The following FGR variants were observed in gnomAD, a reference collection of about 807,000 sequenced individuals.
The protein encoded by FGR is tyrosine-protein kinase Fgr.
FGR carries 26 observed loss-of-function variants against 63.2 expected under a neutral mutation model. The observed-to-expected ratio is 0.41, with a 90% CI of 0.30 to 0.57. The LOEUF (loss-of-function observed/expected upper bound fraction) is 0.57. Ranked by LOEUF, FGR falls within the 20% of genes least tolerant of loss-of-function variation. FGR has a pLI of 0.27. For synonymous variants in FGR, 286 were observed against 277.7 expected (o/e 1.03, Z -0.30); for missense variants, 511 against 690.8 (o/e 0.74, Z 2.92).
chr1:27,628,179 A>C (rs2090051997), intron 1 of FGR, among the ~76,000 whole-genome samples: 1 of 150,864 alleles, frequency 6.6e-6, no homozygotes, highest in African/African-American at 2.5e-5. Flanking sequence ...CTCAAAAAAA[A>C]AAAAAACAAA....
intron 1 of FGR, among the ~76,000 whole-genome samples, chr1:27,633,165 G>A (rs551377201): frequency 3.9e-5 from 6 of 152,248 alleles, no homozygotes; most frequent in African/African-American, 1.2e-4. Context: ...CCTCCTCCCC[G>A]GAGGGTACAT....
chr1:27,620,135 C>T (rs868456985), intron 5 of FGR, among the ~76,000 whole-genome samples: 2 of 150,662 alleles, frequency 1.3e-5, no homozygotes, highest in African/African-American at 2.4e-5. Context: ...TGGCCAACAT[C>T]GTGAAACCCC....
At position 27,623,816 on chromosome 1, in the gene FGR, T is replaced by C. The variant is rs1052489128; in HGVS notation, c.101A>G (p.Tyr34Cys). The C allele has an allele frequency of 1.2e-6, 2 of 1,614,086 alleles. No individual in the cohort carries two copies. Among genetic ancestry groups the C allele is most frequent in the Non-Finnish European group, 1.7e-6 (2 of 1,180,032 alleles). The change falls in exon 3 of 13, where the codon TAT becomes TGT. Residue 34 changes from tyrosine (Y) to cysteine (C), a missense_variant. Tyr to Cys is a radical substitution (Grantham distance 194). Transcript: ENST00000374005. ...CCGGGCCTTAGTGGGGTCAGGCCCATAGTGGTCTGCTGCCCCGTAGCTTCT... is the reference window on the plus strand; with the variant it reads ...CCGGGCCTTAGTGGGGTCAGGCCCACAGTGGTCTGCTGCCCCGTAGCTTCT... The part of the protein sequence containing the change: ...DFRSYGAADH[Y>C]GPDPTKARPA...
At chr1:27,633,400 C>T (rs1359337757) in intron 1 of FGR, among the ~76,000 whole-genome samples, 3 of 152,182 alleles carry the variant, frequency 2.0e-5, no homozygotes, top group Non-Finnish European at 2.9e-5. Flanking sequence ...ACCCGAGGGG[C>T]GGCCAACTGG....
intron 5 of FGR, among the ~76,000 whole-genome samples, 187 bp downstream of exon 5, chr1:27,621,372 T>C (rs1247548748): frequency 1.3e-5 from 2 of 152,234 alleles, no homozygotes; most frequent in African/African-American, 4.8e-5. Flanking sequence ...CAGAACATAG[T>C]ACATGCTCTA....
chr1:27,621,127 C>T (rs1313007374), intron 5 of FGR, among the ~76,000 whole-genome samples: 2 of 151,578 alleles, frequency 1.3e-5, no homozygotes, highest in African/African-American at 2.4e-5. Flanking sequence ...ACTTTTTCAG[C>T]ACTTTACAAT....
chr1:27,621,712 T>A, intron 4 of FGR, 55 bp from the exon 5 acceptor site: 1 of 1,292,948 alleles, frequency 7.7e-7, no homozygotes, highest in Non-Finnish European at 1.1e-6. Flanking sequence ...CAAGGCACCC[T>A]GAGGCCAGGT....
chr1:27,621,718 C>T, intron 4 of FGR, 61 bp from the exon 5 acceptor site: 2 of 1,191,406 alleles, frequency 1.7e-6, no homozygotes, highest in South Asian at 1.2e-5. Flanking sequence ...ACCCTGAGGC[C>T]AGGTGGAGCC....
At chr1:27,628,738 T>A (rs993335073) in intron 1 of FGR, among the ~76,000 whole-genome samples, 5 of 152,212 alleles carry the variant, frequency 3.3e-5, no homozygotes, top group Non-Finnish European at 7.3e-5. Context: ...GAATTCTGCA[T>A]GCCCAGTATG....
At position 27,612,817 on chromosome 1, in the gene FGR, A is replaced by G. The variant is rs781553018; in HGVS notation, c.*97T>C. ...ACGTCCTCGGTGATGCTAGGACTCT[A>G]TGGGGTTCTAAGCCAGCCTGGGGGC... is the stretch of plus-strand genomic sequence containing the variant. On this transcript the variant is annotated 3_prime_UTR_variant, in exon 13 of 13. Coordinates refer to ENST00000374005, the MANE Select transcript of FGR (RefSeq NM_005248.3). 5.0e-5 allele frequency: 59 copies of G among 1,178,118 alleles called. No homozygotes were observed. Among genetic ancestry groups the G allele is most frequent in the African/African-American group, 2.0e-4 (13 of 65,884 alleles). 73.0% of individuals were successfully genotyped at this position (1,178,118 alleles called of 1,614,324 possible).
chr1:27,624,127 C>T, intron 2 of FGR, 198 bp from the exon 3 acceptor site: 1 of 522,874 alleles, frequency 1.9e-6, no homozygotes, highest in Non-Finnish European at 3.4e-6. Flanking sequence ...CAGTATGTCC[C>T]CCCTCAGTGC....
chr1:27,631,670 C>A (rs2090106381), intron 1 of FGR, among the ~76,000 whole-genome samples: 1 of 152,242 alleles, frequency 6.6e-6, no homozygotes, highest in African/African-American at 2.4e-5. Context: ...TGAACTTTCA[C>A]TTCCCTCCTT....
intron 1 of FGR, chr1:27,625,940 AAAACAAAC>A (rs370026843): frequency 4.5e-5 from 18 of 396,252 alleles, no homozygotes; most frequent in African/African-American, 2.3e-4. Flanking sequence ...CTCCATCTCA[AAAACAAAC>A]AAACAAACAA....
At chr1:27,627,302 T>C (rs1369467731) in intron 1 of FGR, among the ~76,000 whole-genome samples, 3 of 152,264 alleles carry the variant, frequency 2.0e-5, no homozygotes, top group East Asian at 3.9e-4. Flanking sequence ...CCCTTCTCAG[T>C]TGGCACATTA....
At chr1:27,623,224 C>T (rs955934032) in intron 3 of FGR, 80 bp from the exon 4 acceptor site, 7 of 1,027,458 alleles carry the variant, frequency 6.8e-6, no homozygotes, top group Non-Finnish European at 1.1e-5. Context: ...TCCTGTTCCC[C>T]AGCCAGGTGC....
intron 1 of FGR, among the ~76,000 whole-genome samples, chr1:27,630,210 C>T (rs531332362): frequency 5.3e-5 from 8 of 152,152 alleles, no homozygotes; most frequent in East Asian, 1.9e-4. Flanking sequence ...GCTGCCAACA[C>T]GCCTGGCTAA....
At chr1:27,614,335 G>A in intron 11 of FGR, 95 bp downstream of exon 11, 1 of 1,394,918 alleles carries the variant, frequency 7.2e-7, no homozygotes, top group Non-Finnish European at 9.7e-7. Context: ...CGACTCGGGC[G>A]ACCTGGAGTG....
chr1:27,627,474 AC>A (rs1181602608), intron 1 of FGR, among the ~76,000 whole-genome samples: 1 of 151,908 alleles, frequency 6.6e-6, no homozygotes, highest in Non-Finnish European at 1.5e-5. Flanking sequence ...ACACACACAC[AC>A]ACATCCTCTA....
At chr1:27,614,801 C>G in intron 10 of FGR, 49 bp downstream of exon 10, 1 of 1,510,824 alleles carries the variant, frequency 6.6e-7, no homozygotes, top group South Asian at 1.2e-5. Flanking sequence ...AATTTGTGAA[C>G]AGTTAATAGG....
Sources: gnomAD v4.1 joint callset for allele counts (sites outside exome capture counted in the v4.1 genomes callset) on GRCh38, gnomAD v4.1.1 for gene constraint, MANE v1.5 for transcripts, NCBI Gene and HGNC (gene_info 2026-07-23, HGNC 2026-07-21) for gene names.